The following LSM11 variants were observed in gnomAD, a reference collection of about 807,000 sequenced individuals.
The protein encoded by LSM11 is U7 snRNA-associated Sm-like protein LSm11.
LSM11 carries 14 observed loss-of-function variants against 28.1 expected under a neutral mutation model. The ratio of observed to expected loss-of-function variants is 0.50; its 90% CI spans 0.33 to 0.78. The LOEUF (loss-of-function observed/expected upper bound fraction) is 0.78, where lower values mean the gene tolerates loss of function less well. Ranked by LOEUF, LSM11 falls within the 30% of genes least tolerant of loss-of-function variation. The pLI, the probability that LSM11 is intolerant of heterozygous loss-of-function variation, is 0.02. For synonymous variants in LSM11, 207 were observed against 214.2 expected (o/e 0.97, Z 0.30); for missense variants, 495 against 510.6 (o/e 0.97, Z 0.30).
At chr5:157,745,712 T>G (rs1368233775) in intron 1 of LSM11, among the ~76,000 whole-genome samples, 1 of 152,194 alleles carries the variant, frequency 6.6e-6, no homozygotes, top group African/African-American at 2.4e-5. Flanking sequence ...TTTGTCAACT[T>G]CTTATGATTA....
At chr5:157,749,600 A>ACACACACC (rs1395998592) in intron 1 of LSM11, among the ~76,000 whole-genome samples, 2 of 139,856 alleles carry the variant, frequency 1.4e-5, no homozygotes, top group African/African-American at 2.7e-5. Context: ...ACACACACAC[A>ACACACACC]CACACACCCA....
At chr5:157,752,574 G>A (rs920312301) in intron 2 of LSM11, among the ~76,000 whole-genome samples, 4 of 151,726 alleles carry the variant, frequency 2.6e-5, no homozygotes, top group Non-Finnish European at 5.9e-5. Context: ...GGCTGCACGC[G>A]GTGGTTCACA....
rs1164319368 is a variant in LSM11 at position 157,760,621 on chromosome 5, C to T, written c.*5357C>T. The stretch of plus-strand genomic sequence containing the variant: ...AACCCTTCCTGTCTAGGGAGAATTG[C>T]TGCTAGTAAGGTCAGTTTGCAATGT... On this transcript the variant is annotated 3_prime_UTR_variant, in exon 4 of 4. Coordinates refer to ENST00000286307, the MANE Select transcript of LSM11 (RefSeq NM_173491.4). The T allele has an allele frequency of 6.6e-6, 1 of 152,136 alleles. No individual in the cohort carries two copies. The highest frequency in any genetic ancestry group is 2.4e-5 in the African/African-American group (1 of 41,418). The allele number at this position is 152,136 out of a possible 1,614,324, so 9.4% of individuals were successfully genotyped here.
rs1761319795 is a variant in LSM11, at chr5:157,755,944, C to T, written c.*680C>T. On this transcript the variant is annotated 3_prime_UTR_variant, in exon 4 of 4. Coordinates refer to ENST00000286307, the MANE Select transcript of LSM11 (RefSeq NM_173491.4). ...CAGTCTTCCCCTTACCAGAGGTAGC[C>T]TCTGCAAATGGCATACCAGATGGGA... 2 of 369,492 alleles carry T rather than the reference C, an allele frequency of 5.4e-6. No individual in the cohort carries two copies. The highest frequency in any genetic ancestry group is 9.2e-5 in the Admixed American group (2 of 21,712). 22.9% of individuals were successfully genotyped at this position (369,492 alleles called of 1,614,324 possible). A position where few individuals can be genotyped will look rare whatever the true frequency, so the allele number is the denominator to read the frequency against.
At chr5:157,751,366 C>G in intron 1 of LSM11, 24 bp from the exon 2 acceptor site, 1 of 1,564,906 alleles carries the variant, frequency 6.4e-7, no homozygotes, top group Non-Finnish European at 8.6e-7. Context: ...TAAAACTGTC[C>G]TGACTGTTCT....
chr5:157,749,868 G>A (rs1356506531), intron 1 of LSM11, among the ~76,000 whole-genome samples: 1 of 152,186 alleles, frequency 6.6e-6, no homozygotes, highest in Non-Finnish European at 1.5e-5. Context: ...ATGACAGAGG[G>A]ATAAGGTGGC....
At chr5:157,753,598 A>C (rs535764419) in intron 2 of LSM11, among the ~76,000 whole-genome samples, 1 of 152,340 alleles carries the variant, frequency 6.6e-6, no homozygotes, top group East Asian at 1.9e-4. Flanking sequence ...ATCTAAAGCC[A>C]TCCTGCATCA....
chr5:157,752,950 C>T (rs1013159185), intron 2 of LSM11, among the ~76,000 whole-genome samples: 18 of 152,032 alleles, frequency 1.2e-4, no homozygotes, highest in African/African-American at 4.1e-4. Flanking sequence ...TCCCCATCCA[C>T]GCATCCTCCT....
intron 1 of LSM11, among the ~76,000 whole-genome samples, chr5:157,749,293 C>T (rs1761190074): frequency 6.6e-6 from 1 of 152,084 alleles, no homozygotes; most frequent in Non-Finnish European, 1.5e-5. Flanking sequence ...TCTTTCCACT[C>T]TTTGTATAAA....
In LSM11 at chr5:157,744,126, G is replaced by A. The variant is rs765958425; in HGVS notation, c.376G>A (p.Ala126Thr). 3.4e-6 allele frequency: 5 copies of A among 1,477,356 alleles called. No individual in the cohort carries two copies. In the South Asian group the frequency reaches 6.4e-5, roughly 19 times the overall value. 91.5% of individuals were successfully genotyped at this position (1,477,356 alleles called of 1,614,324 possible). Residue 126 changes from alanine to threonine, a missense_variant, in exon 1 of 4, where the codon GCC becomes ACC. By Grantham distance (58) the Ala-to-Thr change is moderately conservative (BLOSUM62 0). Transcript: ENST00000286307. ...GGTGGCCAAAGAGGAAGGGGACGGGGCCGCAGGAGCGGGCCGGAGGGGTCC... is the reference window on the plus strand; with the variant it reads ...GGTGGCCAAAGAGGAAGGGGACGGGACCGCAGGAGCGGGCCGGAGGGGTCC... ...LMVAKEEGDG[A>T]AGAGRRGPGR...
chr5:157,760,129 T>C lies in LSM11; in HGVS notation c.*4865T>C, dbSNP rs1267994250. On this transcript the variant is annotated 3_prime_UTR_variant, in exon 4 of 4. Coordinates refer to ENST00000286307, the MANE Select transcript of LSM11 (RefSeq NM_173491.4). ...CCTTGGAAAGATGGGGACTGTCCCTTAGGAAAGCCATAAAAGTGATTCCCA... is the reference window on the plus strand; with the variant it reads ...CCTTGGAAAGATGGGGACTGTCCCTCAGGAAAGCCATAAAAGTGATTCCCA... 1 of 152,218 alleles carries C rather than the reference T, an allele frequency of 6.6e-6. No homozygotes were observed. The highest frequency in any genetic ancestry group is 1.5e-5 in the Non-Finnish European group (1 of 68,036). 9.4% of individuals were successfully genotyped at this position (152,218 alleles called of 1,614,324 possible).
In LSM11 at chr5:157,757,124, C is replaced by T. The variant is rs1281157164; in HGVS notation, c.*1860C>T. Reference sequence around the variant, plus strand: ...GAGCTTGCAGTGAGCCAAGATTGCACCACTGTACTCCAGCCTGGGCGACAG... The same window carrying T: ...GAGCTTGCAGTGAGCCAAGATTGCATCACTGTACTCCAGCCTGGGCGACAG... On this transcript the variant is annotated 3_prime_UTR_variant, in exon 4 of 4. Transcript: ENST00000286307. 6.6e-6 allele frequency: 1 copy of T among 151,852 alleles called. No homozygotes were observed. Among genetic ancestry groups the T allele is most frequent in the Non-Finnish European group, 1.5e-5 (1 of 68,056 alleles). The allele number at this position is 151,852 out of a possible 1,614,324, so 9.4% of individuals were successfully genotyped here. A position where few individuals can be genotyped will look rare whatever the true frequency, so the allele number is the denominator to read the frequency against.
At chr5:157,745,447 A>G (rs1333634524) in intron 1 of LSM11, among the ~76,000 whole-genome samples, 2 of 152,242 alleles carry the variant, frequency 1.3e-5, no homozygotes, top group African/African-American at 2.4e-5. Context: ...GCTGTAACAC[A>G]AAGACAGTAT....
chr5:157,754,846 C>T lies in LSM11; in HGVS notation c.673-8C>T, dbSNP rs1015719721. 4 of 1,609,104 alleles carry T rather than the reference C, an allele frequency of 2.5e-6. No individual in the cohort carries two copies. The African/African-American group carries it at 5.3e-5, about 22-fold the overall frequency. On this transcript the variant is annotated splice_region_variant and splice_polypyrimidine_tract_variant and intron_variant, in intron 3 of 3. Transcript: ENST00000286307. ...GAAGGCTAATATTTATCATTGTTTGCTTTATAGCTATTTGATCGGCTGAAA... is the reference window on the plus strand; with the variant it reads ...GAAGGCTAATATTTATCATTGTTTGTTTTATAGCTATTTGATCGGCTGAAA...
In LSM11 at chr5:157,755,166, C is replaced by A; in HGVS notation, c.985C>A (p.Arg329=). Residue 329 remains arginine, a synonymous_variant, in exon 4 of 4, where the codon CGA becomes AGA. Coordinates refer to ENST00000286307, the MANE Select transcript of LSM11 (RefSeq NM_173491.4). ...LSRGQSRKKK[R]KPKVDYQQVF... ...CAGAGGCCAGTCCCGTAAGAAAAAG[C>A]GAAAGCCCAAAGTGGATTACCAGCA... 6.2e-7 allele frequency: 1 copy of A among 1,614,194 alleles called. No individual in the cohort carries two copies. The highest frequency in any genetic ancestry group is 8.5e-7 in the Non-Finnish European group (1 of 1,180,044).
Position 157,755,440 on chromosome 5 carries a change from G to A in LSM11, c.*176G>A. ...GAGCTCAAGGGGAGGACAGGCCTTG[G>A]GAGGGCAGGCGTTTGCATTAATATC... is the stretch of plus-strand genomic sequence containing the variant. On this transcript the variant is annotated 3_prime_UTR_variant, in exon 4 of 4. Coordinates refer to ENST00000286307, the MANE Select transcript of LSM11 (RefSeq NM_173491.4). 3.0e-6 allele frequency: 2 copies of A among 664,660 alleles called. No individual in the cohort carries two copies. Among genetic ancestry groups the A allele is most frequent in the Non-Finnish European group, 5.0e-6 (2 of 399,888 alleles). The allele number at this position is 664,660 out of a possible 1,614,324, so 41.2% of individuals were successfully genotyped here. A position where few individuals can be genotyped will look rare whatever the true frequency, so the allele number is the denominator to read the frequency against.
chr5:157,752,868 A>T (rs887775877), intron 2 of LSM11, among the ~76,000 whole-genome samples: 4 of 149,048 alleles, frequency 2.7e-5, no homozygotes, highest in Non-Finnish European at 5.9e-5. Context: ...AAAAAAAAGA[A>T]CCACCAGAGC....
At chr5:157,750,939 G>T (rs777836052) in intron 1 of LSM11, among the ~76,000 whole-genome samples, 9 of 152,062 alleles carry the variant, frequency 5.9e-5, no homozygotes, top group Non-Finnish European at 1.3e-4. Context: ...GGGCCACCAT[G>T]CCTGGCTAAT....
At position 157,755,378 on chromosome 5, in the gene LSM11, A is replaced by AT. The variant is rs1581453529; in HGVS notation, c.*115dup. Reference sequence around the variant, plus strand: ...GGAATGATTCCCTCTGGTCCTGCATATGCAGAGGACGGAGCAGGCTCAGCC... The same window carrying AT: ...GGAATGATTCCCTCTGGTCCTGCATATTGCAGAGGACGGAGCAGGCTCAGCC... On this transcript the variant is annotated 3_prime_UTR_variant, in exon 4 of 4. Coordinates refer to ENST00000286307, the MANE Select transcript of LSM11 (RefSeq NM_173491.4). The AT allele has an allele frequency of 4.2e-6, 5 of 1,198,682 alleles. No individual in the cohort carries two copies. In the East Asian group the frequency reaches 9.9e-5, roughly 24 times the overall value. 74.3% of individuals were successfully genotyped at this position (1,198,682 alleles called of 1,614,324 possible). A position where few individuals can be genotyped will look rare whatever the true frequency, so the allele number is the denominator to read the frequency against.
Sources: allele counts gnomAD v4.1 joint callset (sites outside exome capture counted in the v4.1 genomes callset), GRCh38; gene constraint gnomAD v4.1.1; transcripts MANE v1.5; gene names NCBI Gene and HGNC (gene_info 2026-07-23, HGNC 2026-07-21).